LRGUK: variants seen among roughly 807,000 people sequenced by gnomAD.
LRGUK encodes leucine rich repeats and guanylate kinase domain containing.
Under a neutral mutation model 76.0 loss-of-function variants are expected in LRGUK, and 65 were observed. The observed-to-expected ratio is 0.85, with a 90% confidence interval of 0.70 to 1.05. The LOEUF (loss-of-function observed/expected upper bound fraction) is 1.05. Among genes scored for constraint, LRGUK ranks in the 50% least tolerant of loss-of-function variants. LRGUK has a pLI of 0.00. For synonymous variants in LRGUK, 268 were observed against 265.6 expected, an observed-to-expected ratio of 1.01 and a Z score of -0.09; for missense variants, 758 against 732.8, an observed-to-expected ratio of 1.03 and a Z score of -0.40.
At chr7:134,175,921 A>C (rs1480383289) in intron 8 of LRGUK, among the ~76,000 whole-genome samples, 3 of 152,180 alleles carry the variant, frequency 2.0e-5, no homozygotes, top group African/African-American at 7.2e-5. Flanking sequence ...AATTAATACG[A>C]AATATTGCAT....
At chr7:134,162,612 A>G (rs1798794139) in intron 6 of LRGUK, among the ~76,000 whole-genome samples, 1 of 152,060 alleles carries the variant, frequency 6.6e-6, no homozygotes, top group African/African-American at 2.4e-5. Context: ...TGATCACTTG[A>G]GGTTAGGAGT....
chr7:134,216,688 T>A (rs1801443986), intron 15 of LRGUK, among the ~76,000 whole-genome samples: 1 of 152,160 alleles, frequency 6.6e-6, no homozygotes, highest in South Asian at 2.1e-4. Context: ...AAGTCACTTG[T>A]CCAGATAGTA....
At chr7:134,168,492 G>A (rs2116955083) in intron 7 of LRGUK, among the ~76,000 whole-genome samples, 1 of 152,262 alleles carries the variant, frequency 6.6e-6, no homozygotes, top group East Asian at 1.9e-4. Flanking sequence ...ATGAGATTCT[G>A]GAATGACTGT....
rs968063694 is a variant in LRGUK, at chr7:134,242,566, C to T, written c.1984-4990C>T. 5.3e-5 allele frequency among the ~76,000 whole-genome samples: 8 copies of T among 152,010 alleles called. No homozygotes were observed. The South Asian group carries it at 1.7e-3, about 32-fold the overall frequency. On this transcript the variant is annotated intron_variant, in intron 16 of 19. Transcript: ENST00000285928. ...TGAAATTGCGGCAATAATTAATAGC[C>T]TACCAACCAAAAAAAGTCCAGGACC...
chr7:134,253,689 C>G (rs1433433015), intron 18 of LRGUK, among the ~76,000 whole-genome samples: 25 of 152,110 alleles, frequency 1.6e-4, no homozygotes, highest in Admixed American at 1.6e-3. Context: ...GTGGTGCACA[C>G]CTGTAGTCCC....
chr7:134,162,972 AAC>A (rs1798813020), intron 6 of LRGUK, among the ~76,000 whole-genome samples: 1 of 152,222 alleles, frequency 6.6e-6, no homozygotes. Context: ...TGTTTCTGAA[AAC>A]AAAATGTATG....
At chr7:134,218,121 T>A (rs930198226) in intron 15 of LRGUK, among the ~76,000 whole-genome samples, 3 of 152,034 alleles carry the variant, frequency 2.0e-5, no homozygotes, top group African/African-American at 7.2e-5. Flanking sequence ...GCTACCATGC[T>A]CAGCTAATTT....
intron 5 of LRGUK, among the ~76,000 whole-genome samples, chr7:134,149,063 A>G (rs1340574014): frequency 6.6e-6 from 1 of 151,958 alleles, no homozygotes; most frequent in Non-Finnish European, 1.5e-5. Flanking sequence ...AGTTCTTTTT[A>G]AATAGTAAGC....
chr7:134,252,491 C>A (rs1258668173), intron 18 of LRGUK, among the ~76,000 whole-genome samples: 2 of 152,136 alleles, frequency 1.3e-5, no homozygotes, highest in African/African-American at 4.8e-5. Flanking sequence ...TTGGAGCAAG[C>A]AATTAGACTT....
rs80222395 is a variant in LRGUK, at chr7:134,143,370, G to A, written c.588+208G>A. On this transcript the variant is annotated intron_variant, in intron 4 of 15. Transcript: ENST00000645682. ...CTGTCAGTGGATAGGCTTTCTGGAA[G>A]CTTTGTTCAAACCTAGTGTTCAAAC... 5.4e-3 allele frequency among the ~76,000 whole-genome samples: 818 copies of A among 152,280 alleles called. 8 individuals are homozygous for A. The highest frequency in any genetic ancestry group is 0.019 in the African/African-American group (791 of 41,566).
At chr7:134,210,212 G>A (rs896517222) in exon 16 of LRGUK, 6 of 398,992 alleles carry the variant, frequency 1.5e-5, no homozygotes, top group Non-Finnish European at 2.7e-5. Context: ...CATGGTGCCC[G>A]ACGATCCCAA....
chr7:134,222,942 A>G (rs1801639177), intron 16 of LRGUK, among the ~76,000 whole-genome samples: 2 of 152,174 alleles, frequency 1.3e-5, no homozygotes, highest in Non-Finnish European at 2.9e-5. Context: ...AGTCAGAACC[A>G]TTGGCAGTGT....
intron 16 of LRGUK, among the ~76,000 whole-genome samples, chr7:134,239,862 A>G (rs745452841): frequency 6.6e-6 from 1 of 152,172 alleles, no homozygotes; most frequent in African/African-American, 2.4e-5. Flanking sequence ...TTCCAGAGGA[A>G]GGATTAGGCA....
intron 18 of LRGUK, among the ~76,000 whole-genome samples, chr7:134,254,180 A>T (rs1467539809): frequency 2.0e-5 from 3 of 152,208 alleles, no homozygotes; most frequent in Admixed American, 6.5e-5. Context: ...CTGATTTTTT[A>T]AAATTATTTT....
chr7:134,264,378 G>C (rs1802817494), exon 20 of LRGUK: 1 of 156,170 alleles, frequency 6.4e-6, no homozygotes, highest in Admixed American at 6.5e-5. Flanking sequence ...AACTGGGATT[G>C]TGCTCTTAAA....
chr7:134,178,773 G>A (rs1345932495), intron 10 of LRGUK, among the ~76,000 whole-genome samples, 164 bp downstream of exon 10: 1 of 151,302 alleles, frequency 6.6e-6, no homozygotes, highest in East Asian at 1.9e-4. Context: ...AGACAATATT[G>A]TCTCCATTAT....
chr7:134,145,794 G>C (rs1304888030), intron 4 of LRGUK, among the ~76,000 whole-genome samples: 3 of 152,198 alleles, frequency 2.0e-5, no homozygotes, highest in African/African-American at 7.2e-5. Flanking sequence ...TATGAGCCTT[G>C]TACCACCAAC....
rs1798569305 is a variant in LRGUK, at chr7:134,158,256, G to T, written c.795+97G>T. 8 of 1,090,820 alleles carry T rather than the reference G, an allele frequency of 7.3e-6. No individual in the cohort carries two copies. The South Asian group carries it at 1.6e-4, about 21-fold the overall frequency. 67.6% of individuals were successfully genotyped at this position (1,090,820 alleles called of 1,614,324 possible). ...TACTTAGGATTCAAATATATAAAGA[G>T]AAAATTCCTTCATGAAATGTTATTG... On this transcript the variant is annotated intron_variant, in intron 6 of 15. Transcript: ENST00000645682.
chr7:134,222,023 C>G, intron 16 of LRGUK, 105 bp downstream of exon 16: 1 of 1,101,364 alleles, frequency 9.1e-7, no homozygotes, highest in East Asian at 3.1e-5. Flanking sequence ...CAAAATTATT[C>G]TCTCACTAGT....
Sources: gnomAD v4.1 joint callset for allele counts (sites outside exome capture counted in the v4.1 genomes callset) on GRCh38, gnomAD v4.1.1 for gene constraint, MANE v1.5 for transcripts, NCBI Gene and HGNC (gene_info 2026-07-23, HGNC 2026-07-21) for gene names.